The following PPFIBP2 variants were observed in gnomAD, a reference collection of about 807,000 sequenced individuals.
PPFIBP2 encodes PPFIB scaffold protein 2.
Under a neutral mutation model 118.3 loss-of-function variants are expected in PPFIBP2, and 118 were observed. The observed-to-expected ratio is 1.00, with a 90% CI of 0.86 to 1.16. The LOEUF is 1.16. Ranked by LOEUF, PPFIBP2 falls within the 50% of genes most tolerant of loss-of-function variation. PPFIBP2 has a pLI of 0.00. For synonymous variants in PPFIBP2, 414 were observed against 397.4 expected, an observed-to-expected ratio of 1.04 and a Z score of -0.50; for missense variants, 1,195 against 1,073.1, an observed-to-expected ratio of 1.11 and a Z score of -1.59.
Position 7,642,292 on chromosome 11 carries a change from A to T in PPFIBP2, c.1518-6A>T. 1.2e-6 allele frequency: 2 copies of T among 1,613,970 alleles called. No homozygotes were observed. The highest frequency in any genetic ancestry group is 1.7e-6 in the Non-Finnish European group (2 of 1,179,966). On this transcript the variant is annotated splice_region_variant and splice_polypyrimidine_tract_variant and intron_variant, in intron 16 of 23. Transcript: ENST00000299492. ...TGACCGTCTCCATGGATTCTTCTCCATGCAGAATCCGAAGAACTCAGTCAG... is the reference window on the plus strand; with the variant it reads ...TGACCGTCTCCATGGATTCTTCTCCTTGCAGAATCCGAAGAACTCAGTCAG...
chr11:7,664,617 C>T, the PPFIBP2 span, among the ~76,000 whole-genome samples: 29,934 of 151,916 alleles, frequency 0.2, 3,024 homozygotes, highest in Middle Eastern at 0.25. Flanking sequence ...AGAATGGGGT[C>T]GGAGTTGGGG....
intron 1 of PPFIBP2, among the ~76,000 whole-genome samples, chr11:7,524,888 C>T (rs532620930): frequency 6.6e-6 from 1 of 152,292 alleles, no homozygotes; most frequent in South Asian, 2.1e-4. Context: ...GACTGGATGT[C>T]ATGAAAAAGT....
Position 7,648,863 on chromosome 11 carries a change from A to G in PPFIBP2, c.1861A>G (p.Thr621Ala). The G allele has an allele frequency of 6.2e-7, 1 of 1,614,150 alleles. No individual in the cohort carries two copies. The highest frequency in any genetic ancestry group is 1.3e-5 in the African/African-American group (1 of 75,048). The change falls in exon 19 of 24, where the codon ACC (threonine) becomes GCC (alanine). Residue 621 changes from threonine (T) to alanine (A), a missense_variant. Thr to Ala is a moderately conservative substitution (Grantham distance 58). Coordinates refer to ENST00000299492, the MANE Select transcript of PPFIBP2 (RefSeq NM_003621.5). Reference protein sequence around the residue: ...KLVLAVKAINTKQEEKSALLD... With the variant: ...KLVLAVKAINAKQEEKSALLD... Reference sequence around the variant, plus strand: ...TGTTTTAGCAGTGAAAGCCATCAACACCAAACAGGAGGAGAAGTCTGCACT... The same window carrying G: ...TGTTTTAGCAGTGAAAGCCATCAACGCCAAACAGGAGGAGAAGTCTGCACT...
At position 7,648,807 on chromosome 11, in the gene PPFIBP2, G is replaced by A; in HGVS notation, c.1805G>A (p.Gly602Glu). ...ATPQDMEKEL[G>E]IKHPLHRKKL... ...TTCATCTTTTAATTTCAGGAGCTAG[G>A]AATTAAGCACCCACTCCACAGGAAG... The change falls in exon 19 of 24, where the codon GGA becomes GAA. Residue 602 changes from glycine (G) to glutamate (E), a missense_variant. Gly to Glu is a moderately conservative substitution (Grantham distance 98). Transcript: ENST00000299492. 1.2e-6 allele frequency: 2 copies of A among 1,613,756 alleles called. No homozygotes were observed. The highest frequency in any genetic ancestry group is 8.5e-7 in the Non-Finnish European group (1 of 1,179,842).
At chr11:7,617,300 A>G in intron 6 of PPFIBP2, 1 of 985,388 alleles carries the variant, frequency 1.0e-6, no homozygotes, top group Non-Finnish European at 1.2e-6. Flanking sequence ...CACCTGTAGG[A>G]ACCACACTTA....
chr11:7,581,621 GC>G (rs145827600), intron 3 of PPFIBP2, among the ~76,000 whole-genome samples: 4,397 of 152,250 alleles, frequency 0.029, 88 homozygotes, highest in Non-Finnish European at 0.043. Context: ...ACACTGACTT[GC>G]CTTGCATTCA....
downstream of PPFIBP2, chr11:7,657,000 T>C (rs754046376): frequency 3.3e-5 from 12 of 359,940 alleles, no homozygotes; most frequent in Non-Finnish European, 5.5e-5. Flanking sequence ...TCTTCAACCA[T>C]GCTGCGCTCT....
intron 3 of PPFIBP2, among the ~76,000 whole-genome samples, chr11:7,573,207 T>C (rs918479316): frequency 1.1e-4 from 16 of 152,170 alleles, no homozygotes; most frequent in African/African-American, 3.4e-4. Context: ...CCCAATCTAC[T>C]GAACCAGAAT....
chr11:7,661,601 G>T (rs11041512), downstream of PPFIBP2, among the ~76,000 whole-genome samples: 22,962 of 110,486 alleles, frequency 0.21, 3,171 homozygotes, highest in East Asian at 0.45. Flanking sequence ...GTGTGGTGTG[G>T]TGCTGAAAAA....
intron 7 of PPFIBP2, among the ~76,000 whole-genome samples, chr11:7,624,389 C>T (rs368903891): frequency 4.4e-4 from 67 of 152,226 alleles, no homozygotes; most frequent in Non-Finnish European, 8.4e-4. Flanking sequence ...AGCACGGGGG[C>T]TGATCAGGGT....
At chr11:7,528,625 A>G (rs1041942388) in intron 1 of PPFIBP2, among the ~76,000 whole-genome samples, 3 of 152,202 alleles carry the variant, frequency 2.0e-5, no homozygotes, top group Non-Finnish European at 4.4e-5. Flanking sequence ...AGTCAGAGAA[A>G]TGTGGGCAGT....
At chr11:7,635,673 A>T (rs1851358006) in intron 14 of PPFIBP2, 80 bp downstream of exon 14, 1 of 1,467,468 alleles carries the variant, frequency 6.8e-7, no homozygotes, top group African/African-American at 1.4e-5. Context: ...CATAGTTTTC[A>T]TAACCTTAAA....
intron 15 of PPFIBP2, among the ~76,000 whole-genome samples, chr11:7,640,533 C>G (rs1390388656): frequency 6.6e-6 from 1 of 152,238 alleles, no homozygotes; most frequent in Admixed American, 6.5e-5. Flanking sequence ...CAGGGTTCTT[C>G]CTGAGGCTCC....
At position 7,610,350 on chromosome 11, in the gene PPFIBP2, T is replaced by G; in HGVS notation, c.546T>G (p.Ser182=). 1 of 1,614,246 alleles carries G rather than the reference T, an allele frequency of 6.2e-7. No homozygotes were observed. The highest frequency in any genetic ancestry group is 8.5e-7 in the Non-Finnish European group (1 of 1,180,042). Residue 182 remains serine (S), a synonymous_variant, in exon 6 of 24, where the codon TCT becomes TCG. Transcript: ENST00000299492. ...AGCTCGATCTGATGACTGAAGTGTCTGAGCTGAAGCTCAAGCTGGTTGGCA... is the reference window on the plus strand; with the variant it reads ...AGCTCGATCTGATGACTGAAGTGTCGGAGCTGAAGCTCAAGCTGGTTGGCA... The part of the protein sequence containing the change: ...TQKLDLMTEV[S]ELKLKLVGME...
In PPFIBP2 at chr11:7,610,366, C is replaced by G; in HGVS notation, c.562C>G (p.Leu188Val). The G allele has an allele frequency of 6.2e-7, 1 of 1,614,188 alleles. No homozygotes were observed. The change falls in exon 6 of 24, where the codon CTG (leucine) becomes GTG (valine). Residue 188 changes from leucine (L) to valine (V), a missense_variant. Physicochemically the swap from Leu to Val is conservative, Grantham distance 32. Transcript: ENST00000299492. Reference protein sequence around the residue: ...MTEVSELKLKLVGMEKEQREQ... With the variant: ...MTEVSELKLKVVGMEKEQREQ... The stretch of plus-strand genomic sequence containing the variant: ...TGAAGTGTCTGAGCTGAAGCTCAAG[C>G]TGGTTGGCATGGAGAAGGAGCAGAG...
intron 7 of PPFIBP2, among the ~76,000 whole-genome samples, 195 bp downstream of exon 7, chr11:7,621,222 G>A (rs924882446): frequency 7.9e-5 from 12 of 152,162 alleles, no homozygotes; most frequent in African/African-American, 2.7e-4. Flanking sequence ...ATGCCCGTGA[G>A]ATTATGAATT....
chr11:7,552,781 TCC>T (rs1277053372), intron 2 of PPFIBP2, among the ~76,000 whole-genome samples: 1 of 152,098 alleles, frequency 6.6e-6, no homozygotes, highest in African/African-American at 2.4e-5. Context: ...AATGCCCTCC[TCC>T]AGATCTAGGC....
At chr11:7,536,226 C>G (rs1851198865) in intron 1 of PPFIBP2, among the ~76,000 whole-genome samples, 1 of 152,132 alleles carries the variant, frequency 6.6e-6, no homozygotes, top group African/African-American at 2.4e-5. Flanking sequence ...TTAACCCCAC[C>G]CTAGACCGCC....
At chr11:7,639,157 C>G (rs1851809295) in intron 14 of PPFIBP2, among the ~76,000 whole-genome samples, 1 of 152,292 alleles carries the variant, frequency 6.6e-6, no homozygotes, top group East Asian at 1.9e-4. Context: ...GTTGGTCAGG[C>G]CCTCACAGAG....
Sources: allele counts gnomAD v4.1 joint callset (sites outside exome capture counted in the v4.1 genomes callset), GRCh38; gene constraint gnomAD v4.1.1; transcripts MANE v1.5; gene names NCBI Gene and HGNC (gene_info 2026-07-23, HGNC 2026-07-21).